The following NXNL2 variants were observed in gnomAD, a reference collection of about 807,000 sequenced individuals.
The protein encoded by NXNL2 is nucleoredoxin-like protein 2.
A neutral mutation model predicts 11.1 loss-of-function variants in NXNL2; 7 were observed. The ratio of observed to expected loss-of-function variants is 0.63; its 90% CI spans 0.36 to 1.18. NXNL2 has a LOEUF of 1.18. Ranked by LOEUF, NXNL2 falls within the 50% of genes most tolerant of loss-of-function variation. NXNL2 has a pLI of 0.02. For missense variants in NXNL2, 233 were observed against 217.7 expected (o/e 1.07, Z -0.44); for synonymous variants, 109 against 101.8 (o/e 1.07, Z -0.42).
At chr9:88,537,717 C>T (rs541723906) in intron 1 of NXNL2, among the ~76,000 whole-genome samples, 3 of 152,308 alleles carry the variant, frequency 2.0e-5, no homozygotes, top group South Asian at 2.1e-4. Flanking sequence ...TCCAACTCTC[C>T]GGGGGTTTCC....
chr9:88,559,072 C>A (rs1473060157), intron 1 of NXNL2, among the ~76,000 whole-genome samples: 1 of 152,122 alleles, frequency 6.6e-6, no homozygotes, highest in Non-Finnish European at 1.5e-5. Flanking sequence ...GAGACACAGA[C>A]AACAAAGAAG....
chr9:88,546,933 A>G (rs545144950), downstream of NXNL2, among the ~76,000 whole-genome samples: 5 of 152,318 alleles, frequency 3.3e-5, no homozygotes, highest in South Asian at 8.3e-4. Flanking sequence ...TAGTCCATCT[A>G]TATGTCCCCT....
exon 3 of NXNL2, chr9:88,575,172 G>A (rs532429174): frequency 7.1e-6 from 7 of 984,992 alleles, no homozygotes; most frequent in South Asian, 4.7e-5. Flanking sequence ...CGCACCATCC[G>A]TGTCCTGCAT....
chr9:88,569,046 C>T (rs1830221372), intron 1 of NXNL2, among the ~76,000 whole-genome samples: 1 of 152,160 alleles, frequency 6.6e-6, no homozygotes, highest in African/African-American at 2.4e-5. Context: ...TCCACTTCAG[C>T]CTCCTGAGTA....
At chr9:88,579,045 A>G (rs1036018794), downstream of NXNL2, among the ~76,000 whole-genome samples, 7 of 152,200 alleles carry the variant, frequency 4.6e-5, no homozygotes, top group African/African-American at 1.4e-4. Context: ...TTGCTGATTA[A>G]GTGGGTGGGT....
chr9:88,535,750 CT>C lies in NXNL2; in HGVS notation c.302+15del, dbSNP rs1829601115. 1 of 1,536,252 alleles carries C rather than the reference CT, an allele frequency of 6.5e-7. No homozygotes were observed. On this transcript the variant is annotated intron_variant, in intron 1 of 1. Coordinates refer to ENST00000375854, the MANE Select transcript of NXNL2 (RefSeq NM_001161625.2). The stretch of plus-strand genomic sequence containing the variant: ...CCCCTACCGGCAGTGAGTGGGGGTC[CT>C]GGGGGGGCGGGGGCCGCCCGGCACG...
chr9:88,544,456 A>G lies in NXNL2; in HGVS notation c.380A>G (p.Asn127Ser). 1 of 1,551,840 alleles carries G rather than the reference A, an allele frequency of 6.4e-7. No individual in the cohort carries two copies. The highest frequency in any genetic ancestry group is 1.4e-5 in the African/African-American group (1 of 73,174). The change falls in exon 2 of 2, where the codon AAC becomes AGC. Residue 127 changes from asparagine to serine, a missense_variant. Coordinates refer to ENST00000375854, the MANE Select transcript of NXNL2 (RefSeq NM_001161625.2). ...AAACAAAATGGGGAGGTCATCACCAACAAAGGGCGGAAGCAGATCCGGGAA... is the reference window on the plus strand; with the variant it reads ...AAACAAAATGGGGAGGTCATCACCAGCAAAGGGCGGAAGCAGATCCGGGAA... The part of the protein sequence containing the change: ...IVKQNGEVIT[N>S]KGRKQIRERG...
chr9:88,579,345 G>T (rs894102672), downstream of NXNL2, among the ~76,000 whole-genome samples: 5 of 152,178 alleles, frequency 3.3e-5, no homozygotes, highest in African/African-American at 1.2e-4. Context: ...CAGGACCCAC[G>T]GGGTGGAGTC....
downstream of NXNL2, among the ~76,000 whole-genome samples, chr9:88,547,222 A>C (rs2118440430): frequency 6.6e-6 from 1 of 152,332 alleles, no homozygotes; most frequent in Admixed American, 6.5e-5. Context: ...TCAGCCCACA[A>C]CTGGGGCATC....
chr9:88,567,641 G>A (rs993304579), intron 1 of NXNL2, among the ~76,000 whole-genome samples: 1 of 152,164 alleles, frequency 6.6e-6, no homozygotes, highest in Admixed American at 6.5e-5. Flanking sequence ...ATTCATCTCT[G>A]TTTTTCTAAA....
chr9:88,584,295 A>G (rs1830438405), downstream of NXNL2: 1 of 152,234 alleles, frequency 6.6e-6, no homozygotes, highest in Non-Finnish European at 1.5e-5. Flanking sequence ...AAATGTGATT[A>G]TAAGGGTGGG....
chr9:88,538,659 A>G (rs1249287833), intron 1 of NXNL2, among the ~76,000 whole-genome samples: 2 of 152,224 alleles, frequency 1.3e-5, no homozygotes, highest in African/African-American at 4.8e-5. Context: ...TGATTTGGCT[A>G]GTTCCCCATT....
intron 1 of NXNL2, among the ~76,000 whole-genome samples, chr9:88,569,737 T>C (rs1830230550): frequency 6.6e-6 from 1 of 152,250 alleles, no homozygotes; most frequent in Non-Finnish European, 1.5e-5. Context: ...CTTTGACTTA[T>C]TAATATAGTG....
chr9:88,563,825 C>T (rs1215810815), intron 1 of NXNL2, among the ~76,000 whole-genome samples: 1 of 152,170 alleles, frequency 6.6e-6, no homozygotes, highest in East Asian at 1.9e-4. Context: ...CAATTGTTCA[C>T]ACCTCTGCCT....
At chr9:88,578,257 C>A (rs1224835637), downstream of NXNL2, among the ~76,000 whole-genome samples, 1 of 152,152 alleles carries the variant, frequency 6.6e-6, no homozygotes, top group East Asian at 1.9e-4. Flanking sequence ...CCCAGGTGGG[C>A]TGCGCTGGAC....
chr9:88,546,530 C>G (rs1280921206), downstream of NXNL2, among the ~76,000 whole-genome samples: 1 of 151,138 alleles, frequency 6.6e-6, no homozygotes, highest in Admixed American at 6.6e-5. Context: ...ATTCTGTTGC[C>G]TCAGCCTCCC....
At chr9:88,569,762 A>G (rs1000834007) in intron 1 of NXNL2, among the ~76,000 whole-genome samples, 4 of 152,116 alleles carry the variant, frequency 2.6e-5, no homozygotes, top group Non-Finnish European at 4.4e-5. Context: ...GTGTTAATAG[A>G]TTCTTAATTT....
At chr9:88,572,797 C>T (rs17415151) in intron 2 of NXNL2, among the ~76,000 whole-genome samples, 12,958 of 152,228 alleles carry the variant, frequency 0.085, 831 homozygotes, top group Non-Finnish European at 0.13. Flanking sequence ...GGATATTGTT[C>T]TTTAATCCTC....
intron 1 of NXNL2, among the ~76,000 whole-genome samples, chr9:88,551,946 C>T (rs1010360346): frequency 4.1e-4 from 63 of 152,176 alleles, no homozygotes; most frequent in African/African-American, 1.5e-3. Flanking sequence ...ACCAAGAGAG[C>T]CCATTTGTCA....
Sources: allele counts gnomAD v4.1 joint callset (sites outside exome capture counted in the v4.1 genomes callset), GRCh38; gene constraint gnomAD v4.1.1; transcripts MANE v1.5; gene names NCBI Gene and HGNC (gene_info 2026-07-23, HGNC 2026-07-21).